The following RILPL2 variants were observed in gnomAD, a reference collection of about 807,000 sequenced individuals.
RILPL2 encodes Rab interacting lysosomal protein like 2.
In RILPL2, 19 loss-of-function variants were observed where a neutral mutation model predicts 22.2. The observed-to-expected ratio is 0.86, with a 90% CI of 0.60 to 1.25. The LOEUF is 1.25. Ranked by LOEUF, RILPL2 falls within the 50% of genes most tolerant of loss-of-function variation. The probability of loss-of-function intolerance (pLI) is 0.00; values close to 1 mark genes in which losing one functional copy is unlikely to be tolerated. For missense variants in RILPL2, 243 were observed against 263.6 expected (o/e 0.92, Z 0.54); for synonymous variants, 123 against 111.6 (o/e 1.10, Z -0.64).
intron 3 of RILPL2, among the ~76,000 whole-genome samples, chr12:123,422,761 T>C (rs1263474304): frequency 1.3e-5 from 2 of 152,178 alleles, no homozygotes; most frequent in Admixed American, 1.3e-4. Context: ...CTTGGGCAAG[T>C]TACCTTACCT....
Position 123,436,009 on chromosome 12 carries a change from G to T in RILPL2, c.339+73C>A. ...AGAGAAGAGAAAAGAAAAGGAAGGC[G>T]TCTCCCTGCCAGTAGGTGCCCTCCT... is the stretch of plus-strand genomic sequence containing the variant. On this transcript the variant is annotated intron_variant, in intron 1 of 3. Coordinates refer to ENST00000280571, the MANE Select transcript of RILPL2 (RefSeq NM_145058.3). The surrounding 1 kb of genome is among the most constrained non-coding windows in gnomAD (Gnocchi z 6.7). 2 of 1,488,608 alleles carry T rather than the reference G, an allele frequency of 1.3e-6. No individual in the cohort carries two copies. The highest frequency in any genetic ancestry group is 1.8e-6 in the Non-Finnish European group (2 of 1,119,674). The allele number at this position is 1,488,608 out of a possible 1,614,324, so 92.2% of individuals were successfully genotyped here.
rs1444131253 is a variant in RILPL2, at chr12:123,415,155, C to A, written c.*736G>T. 1.3e-5 allele frequency: 2 copies of A among 152,202 alleles called. No homozygotes were observed. The highest frequency in any genetic ancestry group is 4.8e-5 in the African/African-American group (2 of 41,442). The allele number at this position is 152,202 out of a possible 1,614,324, so 9.4% of individuals were successfully genotyped here. On this transcript the variant is annotated 3_prime_UTR_variant, in exon 4 of 4. Transcript: ENST00000280571. ...TCTCTGTTTCATTGATTCCTAAATG[C>A]ATTTTGTTCACATCTTAACACCTCT...
In RILPL2 at chr12:123,436,434, C is replaced by G. The variant is rs752834336; in HGVS notation, c.-14G>C. 6.5e-7 allele frequency: 1 copy of G among 1,543,412 alleles called. No homozygotes were observed. Among genetic ancestry groups the G allele is most frequent in the South Asian group, 1.2e-5 (1 of 84,028 alleles). On this transcript the variant is annotated 5_prime_UTR_variant, in exon 1 of 4. Transcript: ENST00000280571. The surrounding 1 kb of genome is among the most constrained non-coding windows in gnomAD (Gnocchi z 6.7). ...GGGCTCCTCCATGGCCACCCAGACC[C>G]CCGCCGACCTCGGAGCTGCTGTCTT...
intron 1 of RILPL2, among the ~76,000 whole-genome samples, chr12:123,434,637 A>G (rs1490882131): frequency 6.6e-6 from 1 of 151,494 alleles, no homozygotes; most frequent in African/African-American, 2.4e-5. Context: ...CATGTTGGCC[A>G]GGCTGGTCTC....
intron 2 of RILPL2, among the ~76,000 whole-genome samples, chr12:123,426,455 A>AT (rs1195575885): frequency 6.6e-6 from 1 of 151,878 alleles, no homozygotes; most frequent in African/African-American, 2.4e-5. Context: ...CCCAGCTGAT[A>AT]TTTTATTATA....
At chr12:123,410,281 A>G (rs575009063), downstream of RILPL2, among the ~76,000 whole-genome samples, 5 of 152,166 alleles carry the variant, frequency 3.3e-5, no homozygotes, top group Non-Finnish European at 7.3e-5. Context: ...TCATCACTGC[A>G]CCTGTCTTGG....
chr12:123,427,166 C>T lies in RILPL2; in HGVS notation c.491+3342G>A, dbSNP rs901522397. 5.9e-5 allele frequency among the ~76,000 whole-genome samples: 9 copies of T among 152,250 alleles called. No homozygotes were observed. The South Asian group carries it at 6.2e-4, about 11-fold the overall frequency. On this transcript the variant is annotated intron_variant, in intron 2 of 3. Coordinates refer to ENST00000280571, the MANE Select transcript of RILPL2 (RefSeq NM_145058.3). ...CTAGCCTGAGCTTCTCACTTGGCTG[C>T]GTTCAGTGGGCCATTGGCGGAGGGC...
intron 1 of RILPL2, among the ~76,000 whole-genome samples, chr12:123,435,765 C>T (rs1034825152): frequency 6.6e-6 from 1 of 152,098 alleles, no homozygotes; most frequent in East Asian, 1.9e-4. Flanking sequence ...GTTTCTTGCT[C>T]TAGGTCAAAG....
chr12:123,424,809 C>T (rs1879391489), intron 2 of RILPL2, among the ~76,000 whole-genome samples: 1 of 152,184 alleles, frequency 6.6e-6, no homozygotes, highest in African/African-American at 2.4e-5. Flanking sequence ...AATTTACCCC[C>T]ATGGTGTTGT....
intron 3 of RILPL2, among the ~76,000 whole-genome samples, chr12:123,417,711 G>A (rs981489954): frequency 2.0e-5 from 3 of 152,154 alleles, no homozygotes; most frequent in African/African-American, 7.2e-5. Flanking sequence ...TCAGCCTCCT[G>A]AGTAGCTGGG....
chr12:123,427,431 C>T (rs1879473456), intron 2 of RILPL2, among the ~76,000 whole-genome samples: 1 of 152,150 alleles, frequency 6.6e-6, no homozygotes, highest in Non-Finnish European at 1.5e-5. Context: ...AGAGGGAAAA[C>T]AGAATCCACC....
chr12:123,425,841 G>A (rs1304271501), intron 2 of RILPL2, among the ~76,000 whole-genome samples: 1 of 151,788 alleles, frequency 6.6e-6, no homozygotes, highest in Non-Finnish European at 1.5e-5. Flanking sequence ...TAGTAGAGAT[G>A]AGATTTCACC....
At chr12:123,416,098 G>A (rs546380672) in intron 3 of RILPL2, among the ~76,000 whole-genome samples, 177 bp from the exon 4 acceptor site, 1 of 151,904 alleles carries the variant, frequency 6.6e-6, no homozygotes, top group Admixed American at 6.6e-5. Flanking sequence ...GCAAGAGGAT[G>A]AGGATCACTT....
intron 1 of RILPL2, 145 bp downstream of exon 1, chr12:123,435,937 G>A (rs773176652): frequency 8.1e-7 from 1 of 1,230,498 alleles, no homozygotes; most frequent in Non-Finnish European, 1.1e-6. Flanking sequence ...AGACCAGCCT[G>A]GGCAACACAG....
At chr12:123,416,845 T>C (rs937812253) in intron 3 of RILPL2, among the ~76,000 whole-genome samples, 30 of 152,174 alleles carry the variant, frequency 2.0e-4, no homozygotes, top group Middle Eastern at 3.2e-3. Flanking sequence ...TAAGCTCCCG[T>C]AGAAGGACGC....
intron 2 of RILPL2, 120 bp downstream of exon 2, chr12:123,430,388 G>C: frequency 7.0e-6 from 7 of 993,512 alleles, no homozygotes; most frequent in Non-Finnish European, 9.6e-6. Context: ...CAGCCTGGGC[G>C]ACAGAGCGAG....
chr12:123,416,028 A>C (rs1186054763), intron 3 of RILPL2, 107 bp from the exon 4 acceptor site: 1 of 1,114,934 alleles, frequency 9.0e-7, no homozygotes, highest in Non-Finnish European at 1.4e-6. Flanking sequence ...TGACTCAAAA[A>C]TATGTCCAGG....
rs28780730 is a variant in RILPL2 at position 123,431,164 on chromosome 12, A to C, written c.340-505T>G. ...GTAGCAGTAACCCAAGTGTCCATGA[A>C]CAAATGAATAGATAAAGAAAGTATA... On this transcript the variant is annotated intron_variant, in intron 1 of 3. Transcript: ENST00000280571. 0.037 allele frequency among the ~76,000 whole-genome samples: 5,662 copies of C among 152,260 alleles called. 488 individuals are homozygous for C. In the East Asian group the frequency reaches 0.39, roughly 11 times the overall value.
At chr12:123,430,082 C>T (rs887840165) in intron 2 of RILPL2, among the ~76,000 whole-genome samples, 9 of 113,298 alleles carry the variant, frequency 7.9e-5, no homozygotes, top group Non-Finnish European at 1.2e-4. Flanking sequence ...CACCACTGGG[C>T]GACAGGGTGA....
Sources: allele counts gnomAD v4.1 joint callset (sites outside exome capture counted in the v4.1 genomes callset), GRCh38; gene constraint gnomAD v4.1.1; non-coding constraint Gnocchi (gnomAD v3.1); transcripts MANE v1.5; gene names NCBI Gene and HGNC (gene_info 2026-07-23, HGNC 2026-07-21).